SLC2A9: variants seen among roughly 807,000 people sequenced by gnomAD.
SLC2A9 encodes solute carrier family 2 member 9.
SLC2A9 carries 39 observed loss-of-function variants against 50.6 expected under a neutral mutation model. The observed-to-expected ratio is 0.77, with a 90% CI of 0.60 to 1.01. The LOEUF (loss-of-function observed/expected upper bound fraction) is 1.01. SLC2A9 is among the 50% of genes least tolerant of loss of function. The pLI, the probability that SLC2A9 is intolerant of heterozygous loss-of-function variation, is 0.00. For missense variants in SLC2A9, 686 were observed against 677.6 expected (o/e 1.01, Z -0.14); for synonymous variants, 324 against 276.9 (o/e 1.17, Z -1.69).
chr4:10,032,457 G>C (rs774928105), intron 1 of SLC2A9, among the ~76,000 whole-genome samples: 9 of 152,184 alleles, frequency 5.9e-5, no homozygotes, highest in Non-Finnish European at 8.8e-5. Flanking sequence ...AATCTAGATG[G>C]TTTCTATATT....
chr4:9,874,680 A>C (rs1363276966), intron 10 of SLC2A9, among the ~76,000 whole-genome samples: 1 of 152,254 alleles, frequency 6.6e-6, no homozygotes, highest in Non-Finnish European at 1.5e-5. Context: ...GAGATGGTGC[A>C]GTCCTGTTGT....
intron 1 of SLC2A9, among the ~76,000 whole-genome samples, chr4:10,036,708 C>T (rs1017122895): frequency 8.5e-5 from 13 of 152,202 alleles, no homozygotes; most frequent in African/African-American, 2.9e-4. Flanking sequence ...GTAGTGAGCA[C>T]GTATGGGTAA....
intron 2 of SLC2A9, 98 bp downstream of exon 2, chr4:10,018,877 A>G (rs542765199): frequency 7.6e-5 from 91 of 1,202,736 alleles, no homozygotes; most frequent in Non-Finnish European, 9.8e-5. Flanking sequence ...CCGCGCCGCG[A>G]GCGCAACAGG....
At chr4:9,783,310 C>T in intron 3 of SLC2A9, 1 of 1,614,212 alleles carries the variant, frequency 6.2e-7, no homozygotes, top group Non-Finnish European at 8.5e-7. Context: ...AGGTGGACAA[C>T]GACGAGGAGG....
intron 10 of SLC2A9, among the ~76,000 whole-genome samples, chr4:9,883,594 C>T (rs1735622902): frequency 6.6e-6 from 1 of 152,218 alleles, no homozygotes. Context: ...TGGCTGAATG[C>T]CATTATGAGT....
intron 3 of SLC2A9, among the ~76,000 whole-genome samples, chr4:9,802,292 C>A (rs1263722703): frequency 1.3e-5 from 2 of 149,632 alleles, no homozygotes; most frequent in Admixed American, 6.7e-5. Context: ...TAAACTAGAG[C>A]TCATAATGAG....
At chr4:9,932,139 C>T (rs1746264289) in intron 6 of SLC2A9, among the ~76,000 whole-genome samples, 1 of 151,490 alleles carries the variant, frequency 6.6e-6, no homozygotes, top group South Asian at 2.1e-4. Context: ...CTCTCTCTCT[C>T]TTTCTCCATG....
intron 6 of SLC2A9, among the ~76,000 whole-genome samples, chr4:9,940,545 G>A (rs1747932095): frequency 6.6e-6 from 1 of 152,128 alleles, no homozygotes; most frequent in Non-Finnish European, 1.5e-5. Context: ...CTGTATTGAA[G>A]AAAACACTAT....
At chr4:9,819,974 G>T (rs973366441) in intron 3 of SLC2A9, among the ~76,000 whole-genome samples, 2 of 152,218 alleles carry the variant, frequency 1.3e-5, no homozygotes, top group African/African-American at 4.8e-5. Context: ...ATCTTTCAAA[G>T]AACAAGGTTT....
intron 7 of SLC2A9, 100 bp from the exon 8 acceptor site, chr4:9,908,445 T>TCC (rs1741093270): frequency 8.7e-6 from 7 of 809,040 alleles, no homozygotes; most frequent in Non-Finnish European, 1.5e-5. Context: ...TGGATTAAAC[T>TCC]CAGAGTCCCA....
In SLC2A9 at chr4:9,837,784, C is replaced by A. The variant is rs547036131; in HGVS notation, c.1292-2776G>T. On this transcript the variant is annotated intron_variant, in intron 10 of 11. Coordinates refer to ENST00000264784, the MANE Select transcript of SLC2A9 (RefSeq NM_020041.3). ...TCCTCTCTTTCACTAGGCCTTCAGA[C>A]CAAGCCCTAAGCAACCATGAGGAGC... Among the ~76,000 whole-genome samples, 86 of 152,308 alleles carry A rather than the reference C, an allele frequency of 5.6e-4. 2 individuals are homozygous for A. In the South Asian group the frequency reaches 0.017, roughly 31 times the overall value.
intron 8 of SLC2A9, among the ~76,000 whole-genome samples, chr4:9,907,263 A>G (rs933976252): frequency 6.6e-6 from 1 of 152,250 alleles, no homozygotes; most frequent in Non-Finnish European, 1.5e-5. Flanking sequence ...CAAGCATTTC[A>G]TAAAGAGGAC....
intron 6 of SLC2A9, among the ~76,000 whole-genome samples, chr4:9,924,673 G>A (rs140812363): frequency 3.4e-4 from 52 of 152,220 alleles, no homozygotes; most frequent in African/African-American, 1.2e-3. Context: ...TTCCCAGCTG[G>A]GCAAGTGGTG....
intron 6 of SLC2A9, among the ~76,000 whole-genome samples, chr4:9,941,706 TG>T (rs552328083): frequency 1.1e-3 from 166 of 152,320 alleles, no homozygotes; most frequent in Non-Finnish European, 2.0e-3. Context: ...GGAGACTCCC[TG>T]GGTGACTCTG....
chr4:9,861,198 G>C (rs564801917), intron 10 of SLC2A9, among the ~76,000 whole-genome samples: 3 of 152,128 alleles, frequency 2.0e-5, no homozygotes, highest in Non-Finnish European at 4.4e-5. Flanking sequence ...CAGCTTCTGC[G>C]GAGGTCTCAG....
intron 3 of SLC2A9, chr4:9,781,704 G>A (rs373637865): frequency 8.3e-5 from 23 of 276,770 alleles, no homozygotes; most frequent in South Asian, 8.2e-4. Context: ...CTCTCGCTCC[G>A]AACCAGACAC....
At chr4:9,788,191 T>G (rs1236489728) in intron 3 of SLC2A9, among the ~76,000 whole-genome samples, 6 of 152,052 alleles carry the variant, frequency 3.9e-5, no homozygotes, top group Non-Finnish European at 8.8e-5. Context: ...TTTTTTAGTT[T>G]TCTGTTTGTT....
rs756816874 is a variant in SLC2A9 at position 9,908,220 on chromosome 4, C to G, written c.1113+15G>C. ...CCCCTGTGGCATTCTCAGGAGTAAC[C>G]CTCAGTTGACTTACAGAGAAGACGG... is the stretch of plus-strand genomic sequence containing the variant. On this transcript the variant is annotated intron_variant, in intron 8 of 11. Coordinates refer to ENST00000264784, the MANE Select transcript of SLC2A9 (RefSeq NM_020041.3). 5.7e-6 allele frequency: 9 copies of G among 1,571,274 alleles called. No individual in the cohort carries two copies. Among genetic ancestry groups the G allele is most frequent in the Non-Finnish European group, 7.9e-6 (9 of 1,140,742 alleles).
intron 6 of SLC2A9, among the ~76,000 whole-genome samples, chr4:9,939,074 G>A (rs1747657011): frequency 6.6e-6 from 1 of 152,122 alleles, no homozygotes; most frequent in South Asian, 2.1e-4. Flanking sequence ...GACTTACTTT[G>A]GCCAATAGGA....
Sources: allele counts gnomAD v4.1 joint callset (sites outside exome capture counted in the v4.1 genomes callset), GRCh38; gene constraint gnomAD v4.1.1; transcripts MANE v1.5; gene names NCBI Gene and HGNC (gene_info 2026-07-23, HGNC 2026-07-21).